Variants in CSMD1 observed in about 807,000 individuals in gnomAD.
CSMD1 encodes CUB and sushi domain-containing protein 1.
In CSMD1, 213 loss-of-function variants were observed where a neutral mutation model predicts 417.5. The ratio of observed to expected loss-of-function variants is 0.51; its 90% CI spans 0.46 to 0.57. CSMD1 has a LOEUF of 0.57. Ranked by LOEUF, CSMD1 falls within the 20% of genes least tolerant of loss-of-function variation. CSMD1 has a pLI of 0.00. For missense variants in CSMD1, 6,923 were observed against 4,529.7 expected (o/e 1.53, Z -15.17); for synonymous variants, 2,862 against 1,736.8 (o/e 1.65, Z -16.11).
At chr8:4,481,905 G>C (rs1015750729) in intron 2 of CSMD1, among the ~76,000 whole-genome samples, 10 of 152,118 alleles carry the variant, frequency 6.6e-5, no homozygotes, top group African/African-American at 1.7e-4. Context: ...CTTGATCAAA[G>C]TGACTTGAGG....
At chr8:4,526,388 G>C (rs1054856007) in intron 2 of CSMD1, among the ~76,000 whole-genome samples, 4 of 152,190 alleles carry the variant, frequency 2.6e-5, no homozygotes, top group African/African-American at 9.6e-5. Flanking sequence ...CCTTCAACAA[G>C]AATTGCATCT....
intron 7 of CSMD1, among the ~76,000 whole-genome samples, chr8:3,647,890 G>C (rs537392854): frequency 1.3e-5 from 2 of 152,316 alleles, no homozygotes; most frequent in African/African-American, 4.8e-5. Context: ...GTGTAAGTTT[G>C]GAATTACTTC....
intron 1 of CSMD1, among the ~76,000 whole-genome samples, chr8:4,736,703 T>G (rs1810268586): frequency 6.6e-6 from 1 of 152,076 alleles, no homozygotes; most frequent in Admixed American, 6.5e-5. Context: ...AAAGAATAAT[T>G]TAAGAAAAAA....
intron 3 of CSMD1, among the ~76,000 whole-genome samples, chr8:4,190,318 C>T (rs931447003): frequency 6.6e-6 from 1 of 151,266 alleles, no homozygotes; most frequent in Non-Finnish European, 1.5e-5. Flanking sequence ...ACATCTAAGC[C>T]CTATCACTGA....
In CSMD1 at chr8:3,997,896, G is replaced by A. The variant is rs373742696; in HGVS notation, c.818+7C>T. On this transcript the variant is annotated splice_region_variant and intron_variant, in intron 5 of 69. Coordinates refer to ENST00000635120, the MANE Select transcript of CSMD1 (RefSeq NM_033225.6). ...TATCCTTTGTGGCATCTCTTCCCGG[G>A]ACTTACCATATGGATGGAGCTTCCG... 6 of 1,609,506 alleles carry A rather than the reference G, an allele frequency of 3.7e-6. No individual in the cohort carries two copies. The highest frequency in any genetic ancestry group is 2.2e-5 in the South Asian group (2 of 89,950).
intron 3 of CSMD1, among the ~76,000 whole-genome samples, chr8:4,250,716 G>C (rs950101616): frequency 6.6e-6 from 1 of 151,978 alleles, no homozygotes; most frequent in Non-Finnish European, 1.5e-5. Flanking sequence ...TCCCTTCCTT[G>C]AGCAAATCTA....
intron 3 of CSMD1, among the ~76,000 whole-genome samples, chr8:4,243,790 G>T (rs879448454): frequency 6.6e-6 from 1 of 152,144 alleles, no homozygotes; most frequent in South Asian, 2.1e-4. Flanking sequence ...AGAAAGAAAA[G>T]CAAATCATGA....
chr8:4,067,809 T>G (rs1008387947), intron 3 of CSMD1, among the ~76,000 whole-genome samples: 3 of 152,188 alleles, frequency 2.0e-5, no homozygotes, highest in African/African-American at 7.2e-5. Context: ...CCAGATACAG[T>G]GGCTCATGTC....
intron 7 of CSMD1, among the ~76,000 whole-genome samples, chr8:3,661,167 G>C (rs1276663572): frequency 6.6e-6 from 1 of 152,126 alleles, no homozygotes; most frequent in Non-Finnish European, 1.5e-5. Flanking sequence ...ACTCCTTGTG[G>C]ATGAATTGCA....
intron 5 of CSMD1, among the ~76,000 whole-genome samples, chr8:3,878,599 A>G (rs1291694946): frequency 6.6e-6 from 1 of 152,222 alleles, no homozygotes; most frequent in East Asian, 1.9e-4. Flanking sequence ...ATTTTTACCG[A>G]TAAATCTGTA....
chr8:3,642,509 C>G (rs1585006854), intron 7 of CSMD1, among the ~76,000 whole-genome samples: 2 of 152,140 alleles, frequency 1.3e-5, no homozygotes. Flanking sequence ...TGGAGAAAAA[C>G]TGCCTTTATC....
At chr8:3,490,581 T>C (rs962326549) in intron 11 of CSMD1, among the ~76,000 whole-genome samples, 2 of 152,210 alleles carry the variant, frequency 1.3e-5, no homozygotes, top group Non-Finnish European at 2.9e-5. Flanking sequence ...TTATTTCATT[T>C]TTCTATTTCC....
At chr8:3,438,976 A>T (rs1418326690) in intron 12 of CSMD1, among the ~76,000 whole-genome samples, 1 of 151,038 alleles carries the variant, frequency 6.6e-6, no homozygotes, top group African/African-American at 2.4e-5. Flanking sequence ...TTAGCCGGGC[A>T]TGGTAGTGGG....
chr8:4,560,645 G>A (rs541346991), intron 2 of CSMD1, among the ~76,000 whole-genome samples: 9 of 152,158 alleles, frequency 5.9e-5, no homozygotes, highest in Non-Finnish European at 1.3e-4. Context: ...ACAGTCCTCA[G>A]CAAGACTTCT....
At chr8:4,083,804 C>G (rs977701449) in intron 3 of CSMD1, among the ~76,000 whole-genome samples, 2 of 152,108 alleles carry the variant, frequency 1.3e-5, no homozygotes, top group African/African-American at 4.8e-5. Context: ...GTCTATAACA[C>G]CAAAAGCAAT....
intron 3 of CSMD1, among the ~76,000 whole-genome samples, chr8:4,154,110 T>A (rs1796707006): frequency 6.6e-6 from 1 of 152,006 alleles, no homozygotes; most frequent in South Asian, 2.1e-4. Context: ...GAGTCAGGAG[T>A]CTGGCTTCAC....
intron 1 of CSMD1, among the ~76,000 whole-genome samples, chr8:4,966,667 A>G (rs1809880518): frequency 6.6e-6 from 1 of 152,188 alleles, no homozygotes; most frequent in East Asian, 1.9e-4. Context: ...TACAAGTTAA[A>G]ATTTATAATT....
At position 4,243,706 on chromosome 8, in the gene CSMD1, G is replaced by A. The variant is rs750735996; in HGVS notation, c.415+176247C>T. 4.9e-4 allele frequency among the ~76,000 whole-genome samples: 75 copies of A among 151,878 alleles called. 1 individual carries two copies. The highest frequency in any genetic ancestry group is 1.3e-4 in the Non-Finnish European group (9 of 68,000). On this transcript the variant is annotated intron_variant, in intron 3 of 69. Coordinates refer to ENST00000635120, the MANE Select transcript of CSMD1 (RefSeq NM_033225.6). ...GATTAAATTTCCATCTCATGGTATC[G>A]TACATCCATAATCTGAGTCCACAAA...
intron 5 of CSMD1, among the ~76,000 whole-genome samples, chr8:3,941,965 T>TA (rs1401105225): frequency 6.6e-6 from 1 of 151,942 alleles, no homozygotes; most frequent in Non-Finnish European, 1.5e-5. Context: ...TTACAGCCCC[T>TA]CCCCATTGCT....
Sources: gnomAD v4.1 joint callset for allele counts (sites outside exome capture counted in the v4.1 genomes callset) on GRCh38, gnomAD v4.1.1 for gene constraint, MANE v1.5 for transcripts, NCBI Gene and HGNC (gene_info 2026-07-23, HGNC 2026-07-21) for gene names.